ZNF33A: variants seen among roughly 807,000 people sequenced by gnomAD.
The protein encoded by ZNF33A is brain my041 protein.
In ZNF33A, 9 loss-of-function variants were observed where a neutral mutation model predicts 15.9. The observed-to-expected ratio is 0.57, with a 90% CI of 0.34 to 0.99. ZNF33A has a LOEUF of 0.99. ZNF33A is among the 50% of genes least tolerant of loss of function. The pLI is 0.02. For missense variants in ZNF33A, 843 were observed against 941.6 expected (o/e 0.90, Z 1.37); for synonymous variants, 294 against 324.2 (o/e 0.91, Z 1.00).
chr10:38,051,408 C>T (rs555372185), intron 4 of ZNF33A, among the ~76,000 whole-genome samples: 7 of 152,114 alleles, frequency 4.6e-5, no homozygotes, highest in South Asian at 2.1e-4. Flanking sequence ...TCCTAATGAT[C>T]GCATCAGCTG....
intron 4 of ZNF33A, among the ~76,000 whole-genome samples, chr10:38,051,015 A>G (rs916622108): frequency 6.6e-6 from 1 of 152,214 alleles, no homozygotes; most frequent in African/African-American, 2.4e-5. Context: ...CATGATTTTC[A>G]TATAAAATTT....
rs1458258204 is a variant in ZNF33A at position 38,010,760 on chromosome 10, A to C, written c.-68A>C. On this transcript the variant is annotated 5_prime_UTR_variant, in exon 1 of 5. Coordinates refer to ENST00000432900, the MANE Select transcript of ZNF33A (RefSeq NM_006954.2). ...AGGGTCTACGCGCTTTTCTATGGCG[A>C]ATGCAACCCGACGAGGGAGTGGGGT... The C allele has an allele frequency of 6.3e-7, 1 of 1,598,412 alleles. No homozygotes were observed. Among genetic ancestry groups the C allele is most frequent in the Non-Finnish European group, 8.5e-7 (1 of 1,179,806 alleles).
Position 38,055,185 on chromosome 10 carries a change from A to G in ZNF33A, c.1061A>G (p.Gln354Arg). The G allele has an allele frequency of 3.1e-6, 5 of 1,614,190 alleles. No homozygotes were observed. Among genetic ancestry groups the G allele is most frequent in the Non-Finnish European group, 4.2e-6 (5 of 1,180,010 alleles). ...LTRHQRVHTG[Q>R]KPFQCNECEK... ...CGACATCAGAGGGTGCACACAGGAC[A>G]GAAACCCTTTCAATGTAATGAATGT... is the stretch of plus-strand genomic sequence containing the variant. The change falls in exon 5 of 5, where the codon CAG becomes CGG. Residue 354 changes from glutamine to arginine, a missense_variant. Transcript: ENST00000432900.
chr10:38,021,158 C>T (rs899133881), intron 4 of ZNF33A, among the ~76,000 whole-genome samples: 1 of 152,112 alleles, frequency 6.6e-6, no homozygotes, highest in Non-Finnish European at 1.5e-5. Flanking sequence ...AAAAGATAAA[C>T]TGTACAAACA....
rs2135782394 is a variant in ZNF33A, at chr10:38,057,643, A to T, written c.*1083A>T. ...ATCAAAATAACAAATTATCTAAAAA[A>T]AATCTATCCTGTACATGTGAAGATC... is the stretch of plus-strand genomic sequence containing the variant. On this transcript the variant is annotated 3_prime_UTR_variant, in exon 5 of 5. Coordinates refer to ENST00000432900, the MANE Select transcript of ZNF33A (RefSeq NM_006954.2). The T allele has an allele frequency of 2.0e-6, 2 of 985,430 alleles. No individual in the cohort carries two copies. The highest frequency in any genetic ancestry group is 2.4e-6 in the Non-Finnish European group (2 of 829,900). The allele number at this position is 985,430 out of a possible 1,614,324, so 61.0% of individuals were successfully genotyped here.
chr10:38,046,865 A>G (rs2065964571), intron 4 of ZNF33A, among the ~76,000 whole-genome samples: 1 of 152,220 alleles, frequency 6.6e-6, no homozygotes, highest in Non-Finnish European at 1.5e-5. Context: ...AATGAATACT[A>G]TAATGCTTGA....
chr10:38,016,421 C>T (rs2064455356), intron 2 of ZNF33A, among the ~76,000 whole-genome samples: 2 of 152,096 alleles, frequency 1.3e-5, no homozygotes, highest in South Asian at 4.1e-4. Context: ...TGTTGGAGGC[C>T]CTCACCTTTG....
In ZNF33A at chr10:38,056,221, G is replaced by C. The variant is rs1476631376; in HGVS notation, c.2097G>C (p.Gly699=). The C allele has an allele frequency of 1.2e-6, 2 of 1,614,084 alleles. No individual in the cohort carries two copies. The highest frequency in any genetic ancestry group is 1.7e-6 in the Non-Finnish European group (2 of 1,179,988). Residue 699 remains glycine, a synonymous_variant, in exon 5 of 5, where the codon GGG becomes GGC. Coordinates refer to ENST00000432900, the MANE Select transcript of ZNF33A (RefSeq NM_006954.2). The part of the protein sequence containing the change: ...GEKPYECNEC[G]KFFRHKSSLT... ...AACCCTATGAATGCAATGAATGTGGGAAATTCTTCAGGCACAAATCATCAC... is the reference window on the plus strand; with the variant it reads ...AACCCTATGAATGCAATGAATGTGGCAAATTCTTCAGGCACAAATCATCAC...
At chr10:38,017,710 G>T in intron 4 of ZNF33A, 1 of 199,024 alleles carries the variant, frequency 5.0e-6, no homozygotes, top group East Asian at 1.4e-4. Context: ...TGCCTCCCTT[G>T]TTTTGTGTTT....
chr10:38,033,639 C>T (rs962027122), intron 4 of ZNF33A, among the ~76,000 whole-genome samples: 2 of 151,922 alleles, frequency 1.3e-5, no homozygotes, highest in African/African-American at 4.8e-5. Flanking sequence ...TGTATTATAC[C>T]AATCCAGTAG....
At chr10:38,028,604 A>T (rs1421602016) in intron 4 of ZNF33A, among the ~76,000 whole-genome samples, 1 of 151,864 alleles carries the variant, frequency 6.6e-6, no homozygotes, top group Admixed American at 6.6e-5. Context: ...AGTAGCTGGG[A>T]CTACAGGCAC....
intron 4 of ZNF33A, among the ~76,000 whole-genome samples, chr10:38,040,418 A>T (rs2135689456): frequency 6.6e-6 from 1 of 152,250 alleles, no homozygotes; most frequent in South Asian, 2.1e-4. Flanking sequence ...TAAGTATTGT[A>T]GACTTGTATA....
chr10:38,033,008 A>G (rs1252478550), intron 4 of ZNF33A, among the ~76,000 whole-genome samples: 1 of 152,200 alleles, frequency 6.6e-6, no homozygotes, highest in African/African-American at 2.4e-5. Context: ...TAGGCCTCCC[A>G]AAGTGCTGGG....
At chr10:38,013,877 A>G (rs561321924) in intron 2 of ZNF33A, among the ~76,000 whole-genome samples, 1 of 151,776 alleles carries the variant, frequency 6.6e-6, no homozygotes, top group South Asian at 2.1e-4. Context: ...CATTGCCAGC[A>G]CTCCTGAAGC....
intron 4 of ZNF33A, among the ~76,000 whole-genome samples, chr10:38,019,628 A>G (rs1177165890): frequency 7.2e-5 from 11 of 152,310 alleles, no homozygotes; most frequent in Middle Eastern, 6.8e-3. Context: ...AAAAATCTGT[A>G]TCTTTTGAAA....
At position 38,055,060 on chromosome 10, in the gene ZNF33A, G is replaced by A; in HGVS notation, c.936G>A (p.Arg312=). Residue 312 remains arginine (R), a synonymous_variant, in exon 5 of 5, where the codon AGG becomes AGA. Coordinates refer to ENST00000432900, the MANE Select transcript of ZNF33A (RefSeq NM_006954.2). ...DCGESGNNFR[R]KLCLSHLQKG... Reference sequence around the variant, plus strand: ...GTGAAAGTGGGAATAATTTCAGGAGGAAATTGTGTCTGTCACACCTTCAGA... The same window carrying A: ...GTGAAAGTGGGAATAATTTCAGGAGAAAATTGTGTCTGTCACACCTTCAGA... 2 of 1,614,122 alleles carry A rather than the reference G, an allele frequency of 1.2e-6. No individual in the cohort carries two copies. The highest frequency in any genetic ancestry group is 1.7e-6 in the Non-Finnish European group (2 of 1,180,002).
intron 4 of ZNF33A, among the ~76,000 whole-genome samples, chr10:38,025,083 G>A (rs765597053): frequency 2.6e-5 from 4 of 152,088 alleles, no homozygotes; most frequent in Non-Finnish European, 4.4e-5. Context: ...TTTATCATAG[G>A]TTTGTATATT....
chr10:38,057,052 C>A lies in ZNF33A; in HGVS notation c.*492C>A. ...TAGTATATGGTCAAGTCCAAGAAAT[C>A]GATGTTACCTTGCTGGTAGATAGAG... is the stretch of plus-strand genomic sequence containing the variant. On this transcript the variant is annotated 3_prime_UTR_variant, in exon 5 of 5. Transcript: ENST00000432900. 1.5e-6 allele frequency: 1 copy of A among 675,142 alleles called. No homozygotes were observed. The highest frequency in any genetic ancestry group is 1.8e-6 in the Non-Finnish European group (1 of 545,790). 41.8% of individuals were successfully genotyped at this position (675,142 alleles called of 1,614,324 possible). A position where few individuals can be genotyped will look rare whatever the true frequency, so the allele number is the denominator to read the frequency against.
intron 4 of ZNF33A, among the ~76,000 whole-genome samples, chr10:38,020,908 C>A (rs2064707742): frequency 1.3e-5 from 2 of 152,112 alleles, no homozygotes; most frequent in South Asian, 4.1e-4. Flanking sequence ...TCAGGAACTT[C>A]CAAACTGTTC....
Sources: gnomAD v4.1 joint callset for allele counts (sites outside exome capture counted in the v4.1 genomes callset) on GRCh38, gnomAD v4.1.1 for gene constraint, MANE v1.5 for transcripts, NCBI Gene and HGNC (gene_info 2026-07-23, HGNC 2026-07-21) for gene names.